The following GMDS variants were observed in gnomAD, a reference collection of about 807,000 sequenced individuals.
GMDS encodes GDP-mannose 4,6 dehydratase.
A neutral mutation model predicts 49.9 loss-of-function variants in GMDS; 20 were observed. The ratio of observed to expected loss-of-function variants is 0.40; its 90% CI spans 0.28 to 0.58. GMDS has a LOEUF of 0.58. GMDS is among the 20% of genes least tolerant of loss of function. The pLI is 0.42. For synonymous variants in GMDS, 177 were observed against 178.6 expected (o/e 0.99, Z 0.07); for missense variants, 362 against 481.4 (o/e 0.75, Z 2.32).
At chr6:1,892,564 G>C (rs1759922741) in intron 7 of GMDS, among the ~76,000 whole-genome samples, 1 of 152,044 alleles carries the variant, frequency 6.6e-6, no homozygotes, top group African/African-American at 2.4e-5. Context: ...TCACCACATT[G>C]GTCAGGCTGG....
chr6:2,013,858 C>T (rs571360199), intron 4 of GMDS, among the ~76,000 whole-genome samples: 359 of 32,106 alleles, frequency 0.011, 5 homozygotes, highest in Non-Finnish European at 9.3e-3. Context: ...GAGAATTTCC[C>T]AAATCTAGCA....
chr6:1,994,194 C>A (rs1766134222), intron 4 of GMDS, among the ~76,000 whole-genome samples: 1 of 152,150 alleles, frequency 6.6e-6, no homozygotes, highest in Admixed American at 6.5e-5. Flanking sequence ...CCTTTATTTT[C>A]TTGTTCTTTT....
At chr6:2,170,948 T>C (rs931881753) in intron 1 of GMDS, among the ~76,000 whole-genome samples, 3 of 150,940 alleles carry the variant, frequency 2.0e-5, no homozygotes, top group South Asian at 2.1e-4. Flanking sequence ...TGAGCCGAGA[T>C]TGCACCACTG....
chr6:2,029,605 C>A (rs1007337643), intron 4 of GMDS, among the ~76,000 whole-genome samples: 3 of 152,134 alleles, frequency 2.0e-5, no homozygotes, highest in Non-Finnish European at 4.4e-5. Flanking sequence ...CTTAAAAAGG[C>A]TGGAAACACT....
intron 9 of GMDS, among the ~76,000 whole-genome samples, chr6:1,663,004 CT>C (rs1385253865): frequency 1.3e-5 from 2 of 152,120 alleles, no homozygotes; most frequent in Admixed American, 6.5e-5. Context: ...TACTTCCCTC[CT>C]TTCTGGATAT....
chr6:1,811,066 A>G, intron 7 of GMDS, among the ~76,000 whole-genome samples: 1 of 152,164 alleles, frequency 6.6e-6, no homozygotes, highest in East Asian at 1.9e-4. Flanking sequence ...ATGAAACAGA[A>G]TCTTGATGAG....
In GMDS at chr6:2,053,024, C is replaced by T. The variant is rs181805396; in HGVS notation, c.345+62747G>A. Among the ~76,000 whole-genome samples the T allele has an allele frequency of 4.7e-3, 717 of 152,230 alleles. 9 individuals are homozygous for T. The highest frequency in any genetic ancestry group is 0.037 in the Middle Eastern group (11 of 294). On this transcript the variant is annotated intron_variant, in intron 4 of 10. Transcript: ENST00000380815. Reference sequence around the variant, plus strand: ...ACTGATGCAAGATCCTTACATACCACTTTTTGATTGTTTTTTAAAATTCCC... The same window carrying T: ...ACTGATGCAAGATCCTTACATACCATTTTTTGATTGTTTTTTAAAATTCCC...
At chr6:1,823,984 AGGCTGTTCTCATGAC>A (rs1223216945) in intron 7 of GMDS, among the ~76,000 whole-genome samples, 2 of 152,090 alleles carry the variant, frequency 1.3e-5, no homozygotes, top group Non-Finnish European at 2.9e-5. Flanking sequence ...CTTCACACTC[AGGCTGTTCTCATGAC>A]GGGCCTCCTC....
At chr6:1,874,812 T>G (rs1261307254) in intron 7 of GMDS, among the ~76,000 whole-genome samples, 1 of 152,210 alleles carries the variant, frequency 6.6e-6, no homozygotes, top group Non-Finnish European at 1.5e-5. Flanking sequence ...AAATGTGCTC[T>G]AGAAAACAGA....
intron 7 of GMDS, among the ~76,000 whole-genome samples, chr6:1,911,719 A>G (rs893392973): frequency 2.0e-5 from 3 of 152,310 alleles, no homozygotes; most frequent in South Asian, 4.1e-4. Context: ...CTGACTTGCA[A>G]CATAAATTGA....
At chr6:1,885,362 GTTTATC>G (rs1386121147) in intron 7 of GMDS, among the ~76,000 whole-genome samples, 1 of 152,104 alleles carries the variant, frequency 6.6e-6, no homozygotes, top group Non-Finnish European at 1.5e-5. Context: ...GGTTCTGCTT[GTTTATC>G]TTTATCATAT....
chr6:2,214,947 C>G (rs1309530165), intron 1 of GMDS, among the ~76,000 whole-genome samples: 1 of 152,170 alleles, frequency 6.6e-6, no homozygotes, highest in African/African-American at 2.4e-5. Flanking sequence ...GCTGATATTA[C>G]ATGAAGAAAA....
rs990793747 is a variant in GMDS at position 1,760,650 on chromosome 6, T to G, written c.772-18064A>C. 2.6e-5 allele frequency among the ~76,000 whole-genome samples: 4 copies of G among 152,362 alleles called. No individual in the cohort carries two copies. The East Asian group carries it at 7.7e-4, about 29-fold the overall frequency. ...TTGTAACTGGGAACCTAGTGTCCTA[T>G]GCAACTTGTTGGTTAAAACTCATTT... On this transcript the variant is annotated intron_variant, in intron 7 of 10. Transcript: ENST00000380815.
chr6:2,138,021 G>C (rs1776096075), intron 1 of GMDS, among the ~76,000 whole-genome samples: 1 of 152,036 alleles, frequency 6.6e-6, no homozygotes, highest in South Asian at 2.1e-4. Flanking sequence ...AAGAGAGCTG[G>C]GTCAACTGTA....
At chr6:2,116,491 A>G (rs1431063031) in intron 3 of GMDS, among the ~76,000 whole-genome samples, 2 of 152,242 alleles carry the variant, frequency 1.3e-5, no homozygotes, top group Admixed American at 6.5e-5. Context: ...TCATTTTTAC[A>G]TAATATTGAT....
chr6:1,953,895 A>C (rs1464276494), intron 6 of GMDS, among the ~76,000 whole-genome samples: 1 of 152,150 alleles, frequency 6.6e-6, no homozygotes, highest in African/African-American at 2.4e-5. Context: ...CTTTATGACA[A>C]GTCTGATTGT....
intron 4 of GMDS, among the ~76,000 whole-genome samples, chr6:2,040,882 A>C (rs1164196463): frequency 6.6e-6 from 1 of 152,234 alleles, no homozygotes; most frequent in Non-Finnish European, 1.5e-5. Flanking sequence ...CTATTTCTTC[A>C]TCAAACACAG....
At chr6:1,891,080 T>C (rs536516750) in intron 7 of GMDS, among the ~76,000 whole-genome samples, 2 of 152,360 alleles carry the variant, frequency 1.3e-5, no homozygotes, top group Non-Finnish European at 2.9e-5. Flanking sequence ...TGATTTTTAC[T>C]GGTATTGCCA....
chr6:1,847,063 C>T (rs934456260), intron 7 of GMDS, among the ~76,000 whole-genome samples: 2 of 152,042 alleles, frequency 1.3e-5, no homozygotes, highest in Non-Finnish European at 2.9e-5. Context: ...TCCCCCACCC[C>T]CTTTTTAAAA....
Sources: gnomAD v4.1 joint callset for allele counts (sites outside exome capture counted in the v4.1 genomes callset) on GRCh38, gnomAD v4.1.1 for gene constraint, MANE v1.5 for transcripts, NCBI Gene and HGNC (gene_info 2026-07-23, HGNC 2026-07-21) for gene names.